RPH3AL: variants seen among roughly 807,000 people sequenced by gnomAD.
The protein encoded by RPH3AL is rabphilin 3A like (without C2 domains).
A neutral mutation model predicts 43.1 loss-of-function variants in RPH3AL; 38 were observed. That is an observed-to-expected ratio of 0.88 (90% CI 0.68 to 1.15). The LOEUF (loss-of-function observed/expected upper bound fraction) is 1.15, where lower values mean the gene tolerates loss of function less well. Among genes scored for constraint, RPH3AL ranks in the 50% most tolerant of loss-of-function variants. RPH3AL has a pLI of 0.00. For synonymous variants in RPH3AL, 189 were observed against 176.3 expected, an observed-to-expected ratio of 1.07 and a Z score of -0.57; for missense variants, 462 against 423.2, an observed-to-expected ratio of 1.09 and a Z score of -0.81.
At chr17:321,674 G>A (rs566408750) in intron 3 of RPH3AL, 1 of 472,588 alleles carries the variant, frequency 2.1e-6, no homozygotes. Context: ...CAGAGACGGG[G>A]CAGGTGCTGT....
chr17:331,721 G>T, intron 2 of RPH3AL: 6 of 1,288,288 alleles, frequency 4.7e-6, no homozygotes, highest in Non-Finnish European at 6.1e-6. Context: ...TTCACCAGTG[G>T]GTAAACTATG....
chr17:222,691 C>T (rs2041019530), intron 7 of RPH3AL, among the ~76,000 whole-genome samples: 1 of 152,196 alleles, frequency 6.6e-6, no homozygotes, highest in South Asian at 2.1e-4. Context: ...GATTGGCCCA[C>T]ACAGTCTCTC....
intron 5 of RPH3AL, among the ~76,000 whole-genome samples, chr17:296,371 G>A (rs1382206951): frequency 2.7e-5 from 3 of 111,986 alleles, no homozygotes; most frequent in Non-Finnish European, 3.6e-5. Context: ...AGTGTGGGAG[G>A]GACAGAGGAG....
intron 1 of RPH3AL, among the ~76,000 whole-genome samples, chr17:351,740 G>A (rs938602867): frequency 1.3e-5 from 2 of 151,976 alleles, no homozygotes; most frequent in African/African-American, 4.8e-5. Flanking sequence ...ATTTTCAAAG[G>A]AAACTGTATA....
chr17:343,931 C>CCATCAT (rs113637303), intron 1 of RPH3AL, among the ~76,000 whole-genome samples: 88,530 of 119,346 alleles, frequency 0.74, 29,903 homozygotes, highest in East Asian at 0.81. Context: ...CTCATCATCA[C>CCATCAT]CATCATCATC....
chr17:245,359 G>T lies in RPH3AL; in HGVS notation c.613+1752C>A, dbSNP rs994333291. ...TGTGGATGTGAGTGTGTATGTGGAT[G>T]TCAGTGTGTGTGTGTGGATGTCAGT... On this transcript the variant is annotated intron_variant, in intron 7 of 9. Transcript: ENST00000331302. The surrounding 1 kb of genome is among the most constrained non-coding windows in gnomAD (Gnocchi z 5.9). 6.7e-6 allele frequency among the ~76,000 whole-genome samples: 1 copy of T among 149,980 alleles called. No individual in the cohort carries two copies. The highest frequency in any genetic ancestry group is 1.5e-5 in the Non-Finnish European group (1 of 67,418).
At chr17:307,627 C>T (rs767413306) in intron 5 of RPH3AL, among the ~76,000 whole-genome samples, 1 of 152,216 alleles carries the variant, frequency 6.6e-6, no homozygotes, top group Non-Finnish European at 1.5e-5. Flanking sequence ...GGGGACAGGT[C>T]ATGCAAAGCT....
intron 5 of RPH3AL, among the ~76,000 whole-genome samples, chr17:299,587 G>A (rs979512770): frequency 4.6e-5 from 7 of 152,204 alleles, no homozygotes; most frequent in Admixed American, 6.5e-5. Context: ...GTTAAGGTCC[G>A]TGAACAGCAA....
intron 2 of RPH3AL, 117 bp from the exon 3 acceptor site, chr17:327,696 A>T (rs2044651368): frequency 3.2e-6 from 2 of 627,632 alleles, no homozygotes; most frequent in Non-Finnish European, 5.7e-6. Flanking sequence ...ATCCCCACTG[A>T]TGCCTGGAAT....
chr17:257,866 ACGGTGTCTGTCCTGTTCTG>A (rs2042095229), intron 6 of RPH3AL, among the ~76,000 whole-genome samples: 2 of 13,614 alleles, frequency 1.5e-4, no homozygotes, highest in African/African-American at 9.3e-4. Flanking sequence ...GGGGAGCCGC[ACGGTGTCTGTCCTGTTCTG>A]TCCCTAGGAA....
chr17:337,739 A>C (rs1288487617), intron 1 of RPH3AL, among the ~76,000 whole-genome samples: 1 of 152,164 alleles, frequency 6.6e-6, no homozygotes, highest in Non-Finnish European at 1.5e-5. Flanking sequence ...GCCCGTGCCC[A>C]GCCGCTCAGT....
chr17:269,865 C>A (rs1020330543), intron 6 of RPH3AL, among the ~76,000 whole-genome samples: 2 of 152,156 alleles, frequency 1.3e-5, no homozygotes, highest in African/African-American at 4.8e-5. Flanking sequence ...GACGTGGGCT[C>A]AGGTAGACGC....
At chr17:331,056 T>TGAGGGAGGCGAGGGAGGCAAGC (rs1555527288) in intron 2 of RPH3AL, 1 of 146,118 alleles carries the variant, frequency 6.8e-6, no homozygotes, top group Admixed American at 7.2e-5. Context: ...CTGAGTTACA[T>TGAGGGAGGCGAGGGAGGCAAGC]GAGGGAGGCG....
intron 5 of RPH3AL, among the ~76,000 whole-genome samples, chr17:303,237 A>G (rs75599229): frequency 0.014 from 2,172 of 152,188 alleles, 47 homozygotes; most frequent in African/African-American, 0.05. Context: ...ACAAAAAATG[A>G]GAAATTAGCC....
intron 5 of RPH3AL, among the ~76,000 whole-genome samples, chr17:313,622 C>T (rs903483178): frequency 3.9e-5 from 6 of 152,182 alleles, no homozygotes; most frequent in African/African-American, 1.4e-4. Context: ...CAACAGAGTC[C>T]TCGGTGTACC....
chr17:316,078 C>A (rs1598105323), intron 5 of RPH3AL, among the ~76,000 whole-genome samples: 1 of 149,598 alleles, frequency 6.7e-6, no homozygotes, highest in African/African-American at 2.5e-5. Flanking sequence ...TGTGTAGTCC[C>A]TGTGCTCCAC....
chr17:313,278 T>TA (rs889106343), intron 5 of RPH3AL, among the ~76,000 whole-genome samples: 1 of 152,124 alleles, frequency 6.6e-6, no homozygotes, highest in African/African-American at 2.4e-5. Context: ...GGTCGTCTCT[T>TA]AAAAACACAG....
chr17:227,621 G>A (rs894761066), intron 7 of RPH3AL, among the ~76,000 whole-genome samples: 1 of 152,186 alleles, frequency 6.6e-6, no homozygotes, highest in Admixed American at 6.5e-5. Context: ...CCTTGGGTCA[G>A]CCCATGGGTG....
chr17:329,177 A>C (rs1012094265), intron 2 of RPH3AL, among the ~76,000 whole-genome samples: 1 of 152,188 alleles, frequency 6.6e-6, no homozygotes, highest in African/African-American at 2.4e-5. Flanking sequence ...AAAATGAATT[A>C]TAACTCATTC....
Sources: gnomAD v4.1 joint callset for allele counts (sites outside exome capture counted in the v4.1 genomes callset) on GRCh38, gnomAD v4.1.1 for gene constraint, Gnocchi (gnomAD v3.1) non-coding constraint, MANE v1.5 for transcripts, NCBI Gene and HGNC (gene_info 2026-07-23, HGNC 2026-07-21) for gene names.